ANO9: variants seen among roughly 807,000 people sequenced by gnomAD.
ANO9 encodes the protein anoctamin 9.
In ANO9, 80 loss-of-function variants were observed where a neutral mutation model predicts 100.5. That is an observed-to-expected ratio of 0.80 (90% CI 0.66 to 0.96). The LOEUF is 0.96. Ranked by LOEUF, ANO9 falls within the 40% of genes least tolerant of loss-of-function variation. ANO9 has a pLI of 0.00. For missense variants in ANO9, 1,064 were observed against 1,072.7 expected (o/e 0.99, Z 0.11); for synonymous variants, 473 against 435.6 (o/e 1.09, Z -1.07).
intron 15 of ANO9, among the ~76,000 whole-genome samples, chr11:423,139 A>AT (rs1056538809): frequency 1.3e-5 from 2 of 152,178 alleles, no homozygotes; most frequent in Non-Finnish European, 2.9e-5. Flanking sequence ...GTCTCACAGA[A>AT]TTTTTGGCAA....
In ANO9 at chr11:420,807, G is replaced by T; in HGVS notation, c.1544C>A (p.Pro515His). Residue 515 changes from proline (P) to histidine (H), a missense_variant, in exon 18 of 23, where the codon CCC (proline) becomes CAC (histidine). Pro to His is a moderately conservative substitution (Grantham distance 77). Transcript: ENST00000332826. ...CCAGTCCCTGAGCTCGGGGTCCCGG[G>T]GCAGGTGCCCGGACTCGGAGGCCCG... Reference protein sequence around the residue: ...SLRASESGHLPRDPELRDWRR... With the variant: ...SLRASESGHLHRDPELRDWRR... The T allele has an allele frequency of 6.3e-7, 1 of 1,595,634 alleles. No individual in the cohort carries two copies. The highest frequency in any genetic ancestry group is 1.1e-5 in the South Asian group (1 of 89,932).
Position 429,745 on chromosome 11 carries a change from C to G in ANO9, c.832+13G>C. On this transcript the variant is annotated intron_variant, in intron 10 of 22. Transcript: ENST00000332826. ...TTCCCCTGGCCCCGCAGAGGCGTCCCGCAGCAACTCACCCCAGAGAGCCAT... is the reference window on the plus strand; with the variant it reads ...TTCCCCTGGCCCCGCAGAGGCGTCCGGCAGCAACTCACCCCAGAGAGCCAT... 1 of 1,611,424 alleles carries G rather than the reference C, an allele frequency of 6.2e-7. No individual in the cohort carries two copies.
At chr11:425,067 AG>A (rs1848420307) in intron 15 of ANO9, among the ~76,000 whole-genome samples, 3 of 73,300 alleles carry the variant, frequency 4.1e-5, no homozygotes, top group Non-Finnish European at 8.1e-5. Flanking sequence ...CGGCGTGGAG[AG>A]ACGGGACGCG....
At chr11:420,217 C>T (rs1857179181) in intron 19 of ANO9, 2 of 1,411,606 alleles carry the variant, frequency 1.4e-6, no homozygotes, top group South Asian at 3.0e-5. Context: ...CCCTTGGGGG[C>T]GTCAAGCCCC....
intron 1 of ANO9, among the ~76,000 whole-genome samples, chr11:438,484 GC>G (rs1213426575): frequency 2.7e-5 from 4 of 145,934 alleles, no homozygotes; most frequent in African/African-American, 7.7e-5. Context: ...GGCAGGTGTA[GC>G]CCCCCCAACA....
At chr11:436,229 A>T (rs1849529721) in intron 1 of ANO9, among the ~76,000 whole-genome samples, 1 of 151,580 alleles carries the variant, frequency 6.6e-6, no homozygotes, top group Non-Finnish European at 1.5e-5. Flanking sequence ...CACCACGCCC[A>T]GCTGATTTTG....
chr11:430,348 A>T lies in ANO9; in HGVS notation c.595T>A (p.Tyr199Asn). The T allele has an allele frequency of 1.2e-6, 2 of 1,608,590 alleles. No individual in the cohort carries two copies. The highest frequency in any genetic ancestry group is 2.2e-5 in the South Asian group (2 of 90,736). ...LYFVWLGWYT[Y>N]MLVPAALTGL... ...GTCAGGGCGGCCGGCACCAGCATGT[A>T]GGTGTACCAGCCCAGCCAGACGAAG... The change falls in exon 8 of 23, where the codon TAC (tyrosine) becomes AAC (asparagine). Residue 199 changes from tyrosine (Y) to asparagine (N), a missense_variant. Physicochemically the swap from Tyr to Asn is moderately radical, Grantham distance 143. Coordinates refer to ENST00000332826, the MANE Select transcript of ANO9 (RefSeq NM_001012302.3).
In ANO9 at chr11:418,270, C is replaced by T; in HGVS notation, c.*101G>A. Reference sequence around the variant, plus strand: ...TTCCTGCGGCCCCACATGGGCACAGCCTTCTCACAGCACCCCTCAACACGC... The same window carrying T: ...TTCCTGCGGCCCCACATGGGCACAGTCTTCTCACAGCACCCCTCAACACGC... On this transcript the variant is annotated 3_prime_UTR_variant, in exon 23 of 23. Coordinates refer to ENST00000332826, the MANE Select transcript of ANO9 (RefSeq NM_001012302.3). 1 of 1,214,424 alleles carries T rather than the reference C, an allele frequency of 8.2e-7. No homozygotes were observed. Among genetic ancestry groups the T allele is most frequent in the African/African-American group, 1.5e-5 (1 of 65,390 alleles). 75.2% of individuals were successfully genotyped at this position (1,214,424 alleles called of 1,614,324 possible). A position where few individuals can be genotyped will look rare whatever the true frequency, so the allele number is the denominator to read the frequency against.
In ANO9 at chr11:432,297, C is replaced by T; in HGVS notation, c.351-243G>A. ...CCAGGATGAGGCTGGGCTGGGGGCT[C>T]CTTCTCCTCCCAGCCCGTCCCTCCC... On this transcript the variant is annotated intron_variant, in intron 4 of 22. Transcript: ENST00000332826. This position sits in a 1 kb window ranked among gnomAD's most constrained non-coding sequence, Gnocchi z 4.8. The T allele has an allele frequency of 1.8e-6, 1 of 550,006 alleles. No individual in the cohort carries two copies. The highest frequency in any genetic ancestry group is 3.3e-6 in the Non-Finnish European group (1 of 306,080). 34.1% of individuals were successfully genotyped at this position (550,006 alleles called of 1,614,324 possible).
At chr11:437,041 G>GGTGAGCGGGGGGTGCGCGGGGT in intron 1 of ANO9, among the ~76,000 whole-genome samples, 1 of 133,366 alleles carries the variant, frequency 7.5e-6, no homozygotes, top group Non-Finnish European at 1.6e-5. Context: ...GTGAGCGGGG[G>GGTGAGCGGGGGGTGCGCGGGGT]GTGCGTGGGG....
Position 430,207 on chromosome 11 carries a change from C to T in ANO9, c.675-28G>A, listed in dbSNP as rs763537882. 1.1e-5 allele frequency: 17 copies of T among 1,550,036 alleles called. No individual in the cohort carries two copies. In the African/African-American group the frequency reaches 1.6e-4, roughly 15 times the overall value. ...GAAGGGGCAGGGATGAGGCTGGGGT[C>T]GGCTCCTCCAGGCAGCAGGGCCCAC... On this transcript the variant is annotated intron_variant, in intron 8 of 22. Transcript: ENST00000332826.
chr11:429,558 G>C lies in ANO9; in HGVS notation c.915+12C>G. 6.2e-7 allele frequency: 1 copy of C among 1,612,194 alleles called. No homozygotes were observed. Among genetic ancestry groups the C allele is most frequent in the Non-Finnish European group, 8.5e-7 (1 of 1,179,766 alleles). On this transcript the variant is annotated intron_variant, in intron 11 of 22. Transcript: ENST00000332826. ...CGGGTCGGCCTCAGCTGCGCTGCCA[G>C]CTCCACCTCACCTGTTCCTCGTCCC...
Position 430,110 on chromosome 11 carries a change from C to T in ANO9, c.744G>A (p.Arg248=). ...TGGCAAAAGTGCAGGTTTCCGAGAG[C>T]CGCTGGTACCTGCGGCTGTGGTCGC... ...PLGDHSRRYQ[R]LSETCTFAKL... Residue 248 remains arginine (R), a synonymous_variant, in exon 9 of 23, where the codon CGG becomes CGA. Coordinates refer to ENST00000332826, the MANE Select transcript of ANO9 (RefSeq NM_001012302.3). 1 of 1,552,440 alleles carries T rather than the reference C, an allele frequency of 6.4e-7. No homozygotes were observed. The highest frequency in any genetic ancestry group is 1.2e-5 in the South Asian group (1 of 84,156).
chr11:419,809 C>CCCCCACCCCCGGCCAACAAA, intron 19 of ANO9, 80 bp from the exon 20 acceptor site: 1 of 1,556,122 alleles, frequency 6.4e-7, no homozygotes, highest in Non-Finnish European at 8.7e-7. Context: ...CCGGCCAACA[C>CCCCCACCCCCGGCCAACAAA]GGGGCCTGCC....
At chr11:433,508 T>G (rs1849192581) in intron 3 of ANO9, 49 bp from the exon 4 acceptor site, 1 of 1,587,240 alleles carries the variant, frequency 6.3e-7, no homozygotes, top group East Asian at 2.2e-5. Context: ...CTCCCCGCTC[T>G]ATCCCGCCTC....
At chr11:433,028 C>T in intron 4 of ANO9, 1 of 424,010 alleles carries the variant, frequency 2.4e-6, no homozygotes, top group South Asian at 4.4e-5. Context: ...GCAAATCCTG[C>T]CCAACCCCTA....
Position 425,717 on chromosome 11 carries a change from G to GTT in ANO9, c.1334+2369_1334+2370dup, listed in dbSNP as rs145087632. Among the ~76,000 whole-genome samples, 55 of 148,724 alleles carry GTT rather than the reference G, an allele frequency of 3.7e-4. 1 individual carries two copies. Among genetic ancestry groups the GTT allele is most frequent in the African/African-American group, 1.1e-3 (46 of 40,030 alleles). On this transcript the variant is annotated intron_variant, in intron 15 of 22. Coordinates refer to ENST00000332826, the MANE Select transcript of ANO9 (RefSeq NM_001012302.3). The stretch of plus-strand genomic sequence containing the variant: ...CTTCACCAATAGTTTTTTGTTTTTT[G>GTT]TTTTTTGTTTGTTTGTTTGTTTTGT...
At position 428,169 on chromosome 11, in the gene ANO9, C is replaced by T. The variant is rs747254082; in HGVS notation, c.1253G>A (p.Ser418Asn). The change falls in exon 15 of 23, where the codon AGC (serine) becomes AAC (asparagine). Residue 418 changes from serine to asparagine, a missense_variant. Physicochemically the swap from Ser to Asn is conservative, Grantham distance 46 (BLOSUM62 1). Coordinates refer to ENST00000332826, the MANE Select transcript of ANO9 (RefSeq NM_001012302.3). ...TGTGAAGAAGCGGATGGTGAACCTG[C>T]TCTCTCGCTCCGAGAAGGTCCTGGG... ...EMPRTFSERE[S>N]RFTIRFFTLQ... 2.5e-6 allele frequency: 4 copies of T among 1,612,016 alleles called. No homozygotes were observed. Among genetic ancestry groups the T allele is most frequent in the Non-Finnish European group, 3.4e-6 (4 of 1,179,704 alleles).
chr11:419,374 G>A (rs747865321), intron 20 of ANO9: 118 of 1,418,252 alleles, frequency 8.3e-5, no homozygotes, highest in Non-Finnish European at 1.0e-4. Context: ...CCCCAACTGC[G>A]GTCCTGGCCA....
Sources: gnomAD v4.1 joint callset for allele counts (sites outside exome capture counted in the v4.1 genomes callset) on GRCh38, gnomAD v4.1.1 for gene constraint, Gnocchi (gnomAD v3.1) non-coding constraint, MANE v1.5 for transcripts, NCBI Gene and HGNC (gene_info 2026-07-23, HGNC 2026-07-21) for gene names.